The following ITSN1 variants were observed in gnomAD, a reference collection of about 807,000 sequenced individuals.
ITSN1 encodes intersectin 1.
In ITSN1, 58 loss-of-function variants were observed where a neutral mutation model predicts 239.8. The ratio of observed to expected loss-of-function variants is 0.24; its 90% CI spans 0.20 to 0.30. The LOEUF is 0.30. ITSN1 is among the 10% of genes least tolerant of loss of function. The pLI is 1.00. For synonymous variants in ITSN1, 780 were observed against 770.8 expected, an observed-to-expected ratio of 1.01 and a Z score of -0.20; for missense variants, 1,558 against 2,103.3, an observed-to-expected ratio of 0.74 and a Z score of 5.07.
chr21:33,790,846 A>G (rs1296363857), intron 16 of ITSN1, among the ~76,000 whole-genome samples: 1 of 152,118 alleles, frequency 6.6e-6, no homozygotes, highest in Non-Finnish European at 1.5e-5. Flanking sequence ...ATGGCACTAG[A>G]TTTGTTTGTC....
In ITSN1 at chr21:33,760,115, A is replaced by AAAAAG. The variant is rs553622839; in HGVS notation, c.725-1793_725-1789dup. ...AGACCGAGACTCCATCTCAAAAAAAAAAAAGAAAAGAAAAGAAAACAGTAG... is the reference window on the plus strand; with the variant it reads ...AGACCGAGACTCCATCTCAAAAAAAAAAAAGAAAAGAAAAGAAAAGAAAACAGTAG... On this transcript the variant is annotated intron_variant, in intron 8 of 39. Transcript: ENST00000381318. 3.6e-3 allele frequency among the ~76,000 whole-genome samples: 543 copies of AAAAAG among 151,820 alleles called. 1 individual carries two copies. Among genetic ancestry groups the AAAAAG allele is most frequent in the African/African-American group, 0.012 (512 of 41,142 alleles).
At chr21:33,725,369 T>C (rs1569030883) in intron 4 of ITSN1, among the ~76,000 whole-genome samples, 1 of 151,516 alleles carries the variant, frequency 6.6e-6, no homozygotes, top group African/African-American at 2.4e-5. Flanking sequence ...CTCCTGACCT[T>C]GTGATCCACC....
At chr21:33,874,942 C>G (rs1189295981) in intron 33 of ITSN1, among the ~76,000 whole-genome samples, 1 of 152,152 alleles carries the variant, frequency 6.6e-6, no homozygotes, top group Non-Finnish European at 1.5e-5. Context: ...CCACTGTGCC[C>G]GGCCAAGGGT....
chr21:33,737,552 T>C (rs2066577514), intron 5 of ITSN1, among the ~76,000 whole-genome samples: 1 of 152,204 alleles, frequency 6.6e-6, no homozygotes, highest in Non-Finnish European at 1.5e-5. Context: ...AAATAATTTA[T>C]TACTATTGTC....
intron 35 of ITSN1, 96 bp from the exon 36 acceptor site, chr21:33,883,454 A>G (rs1227029412): frequency 2.6e-6 from 4 of 1,532,570 alleles, no homozygotes; most frequent in Non-Finnish European, 3.6e-6. Flanking sequence ...CTCGTTTACT[A>G]GAACACATTG....
chr21:33,756,300 A>G (rs1267626906), intron 8 of ITSN1, among the ~76,000 whole-genome samples: 1 of 151,550 alleles, frequency 6.6e-6, no homozygotes, highest in Admixed American at 6.6e-5. Context: ...AAAAAAAAAA[A>G]AAAAAAAGAA....
intron 1 of ITSN1, among the ~76,000 whole-genome samples, chr21:33,644,790 T>C (rs1171236946): frequency 6.6e-6 from 1 of 151,826 alleles, no homozygotes; most frequent in Non-Finnish European, 1.5e-5. Context: ...AAGCCTCCTG[T>C]AAGAGATTAA....
chr21:33,763,490 T>G (rs1029040623), intron 9 of ITSN1, among the ~76,000 whole-genome samples: 1 of 152,196 alleles, frequency 6.6e-6, no homozygotes. Context: ...TGGCCACTAC[T>G]CACTGGATGC....
Position 33,818,363 on chromosome 21 carries a change from G to T in ITSN1, c.2824G>T (p.Val942Phe), listed in dbSNP as rs370969706. 1 of 1,614,054 alleles carries T rather than the reference G, an allele frequency of 6.2e-7. No homozygotes were observed. Among genetic ancestry groups the T allele is most frequent in the Non-Finnish European group, 8.5e-7 (1 of 1,180,016 alleles). Reference protein sequence around the residue: ...LNFNKNDVITVLEQQDMWWFG... With the variant: ...LNFNKNDVITFLEQQDMWWFG... ...TTTTAACAAAAATGATGTCATCACC[G>T]TCCTGGAACAGCAAGACATGTGGTG... Residue 942 changes from valine to phenylalanine, a missense_variant, in exon 23 of 40, where the codon GTC becomes TTC. By Grantham distance (50) the Val-to-Phe change is conservative. Coordinates refer to ENST00000381318, the MANE Select transcript of ITSN1 (RefSeq NM_003024.3).
intron 1 of ITSN1, among the ~76,000 whole-genome samples, chr21:33,660,571 G>A (rs529362394): frequency 6.6e-6 from 1 of 152,296 alleles, no homozygotes; most frequent in East Asian, 1.9e-4. Context: ...AAAGATGGCT[G>A]AATTCCATAA....
chr21:33,802,130 G>C (rs891653271), intron 19 of ITSN1, among the ~76,000 whole-genome samples: 1 of 151,942 alleles, frequency 6.6e-6, no homozygotes, highest in African/African-American at 2.4e-5. Flanking sequence ...ACTGGATTTT[G>C]TTGCAACACA....
intron 1 of ITSN1, among the ~76,000 whole-genome samples, chr21:33,655,223 G>A (rs2088940529): frequency 9.7e-6 from 1 of 103,204 alleles, no homozygotes; most frequent in Admixed American, 1.1e-4. Context: ...TCTAGCTGAG[G>A]GAAAACAGGA....
In ITSN1 at chr21:33,865,522, T is replaced by C. The variant is rs1981411938; in HGVS notation, c.4074+188T>C. Among the ~76,000 whole-genome samples the C allele has an allele frequency of 6.6e-6, 1 of 152,216 alleles. No individual in the cohort carries two copies. Among genetic ancestry groups the C allele is most frequent in the South Asian group, 2.1e-4 (1 of 4,834 alleles). On this transcript the variant is annotated intron_variant, in intron 32 of 39. Transcript: ENST00000381318. The surrounding 1 kb of genome is among the most constrained non-coding windows in gnomAD (Gnocchi z 4.4). Reference sequence around the variant, plus strand: ...TGTGGCTGTCACCAAAGGGGTGGGCTTGGAGAGGAGGGGTGAACCCTGGGC... The same window carrying C: ...TGTGGCTGTCACCAAAGGGGTGGGCCTGGAGAGGAGGGGTGAACCCTGGGC...
rs140131929 is a variant in ITSN1 at position 33,795,431 on chromosome 21, G to A, written c.1952+963G>A. 2.6e-3 allele frequency among the ~76,000 whole-genome samples: 403 copies of A among 152,290 alleles called. 2 individuals carry two copies. Among genetic ancestry groups the A allele is most frequent in the African/African-American group, 9.1e-3 (378 of 41,562 alleles). ...GCCACTGCACTCCAGCCTGGCAACA[G>A]AGCAAGACTCTGTCTCAAGAAATTA... is the stretch of plus-strand genomic sequence containing the variant. On this transcript the variant is annotated intron_variant, in intron 17 of 39. Transcript: ENST00000381318.
At chr21:33,842,394 G>A (rs951001704) in intron 29 of ITSN1, among the ~76,000 whole-genome samples, 1 of 152,148 alleles carries the variant, frequency 6.6e-6, no homozygotes, top group Non-Finnish European at 1.5e-5. Flanking sequence ...TAAAAAATGA[G>A]CATCAGCTAT....
chr21:33,652,292 G>A (rs1389539239), intron 1 of ITSN1, among the ~76,000 whole-genome samples: 1 of 152,084 alleles, frequency 6.6e-6, no homozygotes, highest in African/African-American at 2.4e-5. Context: ...GGAGAATGTG[G>A]GTTTAATATG....
chr21:33,671,115 T>A (rs1433682970), intron 1 of ITSN1, among the ~76,000 whole-genome samples: 5 of 152,200 alleles, frequency 3.3e-5, no homozygotes, highest in Admixed American at 2.0e-4. Flanking sequence ...ATGGGACAAT[T>A]CCTCATATGG....
At chr21:33,665,617 G>A (rs755883401) in intron 1 of ITSN1, among the ~76,000 whole-genome samples, 18 of 152,128 alleles carry the variant, frequency 1.2e-4, no homozygotes, top group Non-Finnish European at 2.6e-4. Context: ...ATATGGCTTA[G>A]CAATTCCATT....
intron 31 of ITSN1, among the ~76,000 whole-genome samples, chr21:33,859,107 G>A (rs1235975912): frequency 6.6e-6 from 1 of 152,202 alleles, no homozygotes; most frequent in East Asian, 1.9e-4. Flanking sequence ...TCCATGCTGG[G>A]GCGTGGGGCT....
Sources: allele counts gnomAD v4.1 joint callset (sites outside exome capture counted in the v4.1 genomes callset), GRCh38; gene constraint gnomAD v4.1.1; non-coding constraint Gnocchi (gnomAD v3.1); transcripts MANE v1.5; gene names NCBI Gene and HGNC (gene_info 2026-07-23, HGNC 2026-07-21).